Variants in SLC4A4 observed in about 807,000 individuals in gnomAD.
SLC4A4 encodes the protein solute carrier family 4 member 4, also known as electrogenic sodium bicarbonate cotransporter 1.
SLC4A4 carries 27 observed loss-of-function variants against 111.5 expected under a neutral mutation model. The observed-to-expected ratio is 0.24, with a 90% confidence interval of 0.18 to 0.33. The LOEUF (loss-of-function observed/expected upper bound fraction) is 0.33, where lower values mean the gene tolerates loss of function less well. Among genes scored for constraint, SLC4A4 ranks in the 10% least tolerant of loss-of-function variants. The pLI, the probability that SLC4A4 is intolerant of heterozygous loss-of-function variation, is 1.00. For missense variants in SLC4A4, 909 were observed against 1,315.5 expected (o/e 0.69, Z 4.78); for synonymous variants, 443 against 463.4 (o/e 0.96, Z 0.57).
At chr4:71,079,603 C>T (rs1238347650) in intron 1 of SLC4A4, among the ~76,000 whole-genome samples, 2 of 152,092 alleles carry the variant, frequency 1.3e-5, no homozygotes, top group African/African-American at 4.8e-5. Flanking sequence ...TAGCAAGACC[C>T]TATCTCTCTA....
chr4:71,300,405 ATGC>A (rs1315183889), intron 3 of SLC4A4: 2 of 232,794 alleles, frequency 8.6e-6, no homozygotes, highest in African/African-American at 2.3e-5. Flanking sequence ...GAGGCATGGG[ATGC>A]TGCTGCTGTG....
intron 2 of SLC4A4, among the ~76,000 whole-genome samples, chr4:71,156,588 G>A (rs55839063): frequency 0.1 from 13,836 of 138,390 alleles, 803 homozygotes; most frequent in Middle Eastern, 0.2. Flanking sequence ...GCGCGCGCGC[G>A]CACACACACA....
chr4:71,320,633 A>C lies in SLC4A4; in HGVS notation c.254-18737A>C, dbSNP rs190882841. 1.4e-4 allele frequency among the ~76,000 whole-genome samples: 21 copies of C among 152,192 alleles called. 1 individual carries two copies. Among genetic ancestry groups the C allele is most frequent in the Non-Finnish European group, 2.2e-4 (15 of 67,962 alleles). On this transcript the variant is annotated intron_variant, in intron 3 of 25. Coordinates refer to ENST00000264485, the MANE Select transcript of SLC4A4 (RefSeq NM_001098484.3). ...GCGTTTTACCAGTGTAATTCTAAGA[A>C]AGCCAGATTTGAGCTTATGCAGGTC...
chr4:71,480,151 A>G (rs1180185825), intron 14 of SLC4A4, among the ~76,000 whole-genome samples: 2 of 151,184 alleles, frequency 1.3e-5, no homozygotes, highest in Non-Finnish European at 3.0e-5. Flanking sequence ...CCTCCTGAGT[A>G]GCTAGGACTA....
intron 2 of SLC4A4, among the ~76,000 whole-genome samples, chr4:71,127,877 A>T (rs1258287656): frequency 6.6e-6 from 1 of 152,186 alleles, no homozygotes; most frequent in Non-Finnish European, 1.5e-5. Flanking sequence ...TAATTCCAGC[A>T]CTTTGAGAGC....
chr4:71,337,227 G>A (rs565382753), intron 3 of SLC4A4, among the ~76,000 whole-genome samples: 1 of 152,086 alleles, frequency 6.6e-6, no homozygotes, highest in South Asian at 2.1e-4. Flanking sequence ...TATTGTTAGG[G>A]ACTATGTTAT....
rs1050266279 is a variant in SLC4A4, at chr4:71,377,731, C to G, written c.731-19846C>G. Among the ~76,000 whole-genome samples the G allele has an allele frequency of 2.6e-5, 4 of 152,138 alleles. No homozygotes were observed. In the South Asian group the frequency reaches 8.3e-4, roughly 32 times the overall value. On this transcript the variant is annotated intron_variant, in intron 6 of 25. Coordinates refer to ENST00000264485, the MANE Select transcript of SLC4A4 (RefSeq NM_001098484.3). ...TTTCCACAGTCACCGTAGCAGTAAG[C>G]AAGGGTCATGGTGACTCACAAGCTG... is the stretch of plus-strand genomic sequence containing the variant.
At chr4:71,536,661 A>T (rs567335614) in intron 18 of SLC4A4, among the ~76,000 whole-genome samples, 1 of 149,626 alleles carries the variant, frequency 6.7e-6, no homozygotes, top group South Asian at 2.1e-4. Flanking sequence ...CATGCCAGCT[A>T]ATTTTTGTAT....
chr4:71,145,161 G>T (rs972233955), intron 2 of SLC4A4, among the ~76,000 whole-genome samples: 93 of 152,146 alleles, frequency 6.1e-4, no homozygotes, highest in African/African-American at 1.9e-3. Context: ...GCATGAAGGG[G>T]TGTTGAATTT....
intron 16 of SLC4A4, among the ~76,000 whole-genome samples, chr4:71,531,616 C>T (rs1733918490): frequency 1.3e-5 from 2 of 152,022 alleles, no homozygotes; most frequent in African/African-American, 4.8e-5. Context: ...AAATAACACA[C>T]AGAATTTCTA....
chr4:71,126,707 T>G (rs1229932583), intron 2 of SLC4A4, among the ~76,000 whole-genome samples: 1 of 152,242 alleles, frequency 6.6e-6, no homozygotes, highest in Non-Finnish European at 1.5e-5. Context: ...TTACTTAAAA[T>G]ATGAATATGA....
At chr4:71,535,969 A>G (rs1332972785) in intron 18 of SLC4A4, among the ~76,000 whole-genome samples, 1 of 152,124 alleles carries the variant, frequency 6.6e-6, no homozygotes, top group African/African-American at 2.4e-5. Flanking sequence ...GATGAAAGAA[A>G]AGGTTGCAAA....
At chr4:71,075,615 G>T (rs992326979) in intron 1 of SLC4A4, among the ~76,000 whole-genome samples, 1 of 152,048 alleles carries the variant, frequency 6.6e-6, no homozygotes, top group African/African-American at 2.4e-5. Flanking sequence ...TCTCTCCATG[G>T]CTCACTCCAG....
chr4:71,096,099 G>A (rs1742539129), intron 2 of SLC4A4, among the ~76,000 whole-genome samples: 1 of 152,154 alleles, frequency 6.6e-6, no homozygotes, highest in African/African-American at 2.4e-5. Flanking sequence ...GAGGGTTTTG[G>A]TGGGACAGTT....
intron 1 of SLC4A4, among the ~76,000 whole-genome samples, chr4:71,068,854 A>G (rs1560702858): frequency 6.6e-6 from 1 of 152,332 alleles, no homozygotes; most frequent in Non-Finnish European, 1.5e-5. Context: ...GGTGTGTGCC[A>G]TTACTTAACA....
At chr4:71,090,194 C>T (rs1294754360) in intron 1 of SLC4A4, among the ~76,000 whole-genome samples, 2 of 151,028 alleles carry the variant, frequency 1.3e-5, no homozygotes, top group East Asian at 3.9e-4. Flanking sequence ...ACCCTCTGGG[C>T]CAGGTGTGGG....
At chr4:71,430,033 A>C (rs1434480285) in intron 7 of SLC4A4, among the ~76,000 whole-genome samples, 1 of 152,110 alleles carries the variant, frequency 6.6e-6, no homozygotes, top group South Asian at 2.1e-4. Context: ...ATGAGATGTT[A>C]TTGTACTTGG....
intron 14 of SLC4A4, among the ~76,000 whole-genome samples, chr4:71,479,617 G>A (rs553211991): frequency 1.3e-5 from 2 of 151,766 alleles, no homozygotes; most frequent in Admixed American, 6.6e-5. Context: ...TTTTTATTGT[G>A]TGCCATTCCC....
At chr4:71,073,154 A>T (rs1025014705) in intron 1 of SLC4A4, among the ~76,000 whole-genome samples, 4 of 152,086 alleles carry the variant, frequency 2.6e-5, no homozygotes, top group African/African-American at 9.7e-5. Flanking sequence ...AACCAGTCAC[A>T]TTGCTGAATT....
Sources: allele counts gnomAD v4.1 joint callset (sites outside exome capture counted in the v4.1 genomes callset), GRCh38; gene constraint gnomAD v4.1.1; transcripts MANE v1.5; gene names NCBI Gene and HGNC (gene_info 2026-07-23, HGNC 2026-07-21).